Variants in DPH1 observed in about 807,000 individuals in gnomAD.
DPH1 encodes the protein 2-(3-amino-3-carboxypropyl)histidine synthase subunit 1.
A neutral mutation model predicts 55.3 loss-of-function variants in DPH1; 59 were observed. The ratio of observed to expected loss-of-function variants is 1.07; its 90% CI spans 0.87 to 1.33. The LOEUF is 1.33. Among genes scored for constraint, DPH1 ranks in the 40% most tolerant of loss-of-function variants. The pLI is 0.00. For synonymous variants in DPH1, 238 were observed against 235.5 expected (o/e 1.01, Z -0.10); for missense variants, 628 against 584.8 (o/e 1.07, Z -0.76).
At chr17:2,042,004 G>T in intron 12 of DPH1, 129 bp downstream of exon 12, 1 of 1,492,052 alleles carries the variant, frequency 6.7e-7, no homozygotes, top group South Asian at 1.2e-5. Flanking sequence ...TTCCGCTCGG[G>T]GAAAGACCGC....
intron 3 of DPH1, among the ~76,000 whole-genome samples, chr17:2,035,328 G>A (rs535163610): frequency 6.5e-4 from 94 of 145,420 alleles, no homozygotes; most frequent in Non-Finnish European, 1.2e-3. Context: ...TGCAGGAGGC[G>A]TGTAGGTGGT....
chr17:2,032,703 C>A (rs2067346721), intron 1 of DPH1, among the ~76,000 whole-genome samples: 1 of 152,180 alleles, frequency 6.6e-6, no homozygotes, highest in African/African-American at 2.4e-5. Context: ...AGCTTAAGAC[C>A]TAAACTTCCT....
chr17:2,042,511 T>C, intron 12 of DPH1, 94 bp from the exon 13 acceptor site: 1 of 1,450,950 alleles, frequency 6.9e-7, no homozygotes, highest in Non-Finnish European at 9.1e-7. Context: ...CCTTTTTCTC[T>C]CTGTCATCTC....
intron 6 of DPH1, among the ~76,000 whole-genome samples, chr17:2,038,730 T>C (rs1193706357): frequency 6.6e-6 from 1 of 152,110 alleles, no homozygotes; most frequent in Non-Finnish European, 1.5e-5. Context: ...GTGCCAAAAA[T>C]ATTGGTTACT....
chr17:2,033,731 C>T (rs750450066), intron 2 of DPH1, 48 bp from the exon 3 acceptor site: 5 of 1,613,892 alleles, frequency 3.1e-6, no homozygotes, highest in Admixed American at 1.7e-5. Context: ...GTCCCCCTTG[C>T]AGCCCCTTCC....
rs1212443230 is a variant in DPH1 at position 2,036,942 on chromosome 17, G to C, written c.666G>C (p.Glu222Asp). Reference sequence around the variant, plus strand: ...GCACATCCCCCCGACTGTCCAAAGAGGTGGAGGCCGTTGTGTAAGTTAAAA... The same window carrying C: ...GCACATCCCCCCGACTGTCCAAAGACGTGGAGGCCGTTGTGTAAGTTAAAA... The part of the protein sequence containing the change: ...LGCTSPRLSK[E>D]VEAVVYLGDG... Residue 222 changes from glutamate to aspartate, a missense_variant, in exon 6 of 13, where the codon GAG (glutamate) becomes GAC (aspartate). By Grantham distance (45) the Glu-to-Asp change is conservative. Transcript: ENST00000263083. The surrounding 1 kb of genome is among the most constrained non-coding windows in gnomAD (Gnocchi z 4.8). 6.2e-7 allele frequency: 1 copy of C among 1,613,388 alleles called. No individual in the cohort carries two copies.
In DPH1 at chr17:2,041,195, C is replaced by G; in HGVS notation, c.1086+14C>G. 1 of 1,597,388 alleles carries G rather than the reference C, an allele frequency of 6.3e-7. No individual in the cohort carries two copies. The highest frequency in any genetic ancestry group is 8.5e-7 in the Non-Finnish European group (1 of 1,171,350). On this transcript the variant is annotated intron_variant, in intron 10 of 12. Transcript: ENST00000263083. ...ACACCCTATGAGGTAACACCAAGCT[C>G]TGGGAGAGAGTGGGCTTTGGACGTG...
In DPH1 at chr17:2,033,717, C is replaced by T. The variant is rs188176467; in HGVS notation, c.214+60C>T. 207 of 1,613,818 alleles carry T rather than the reference C, an allele frequency of 1.3e-4. No individual in the cohort carries two copies. The East Asian group carries it at 3.3e-3, about 26-fold the overall frequency. On this transcript the variant is annotated intron_variant, in intron 2 of 12. Coordinates refer to ENST00000263083, the MANE Select transcript of DPH1 (RefSeq NM_001383.6). ...GAGAGGTTGCCTGGCCCAGATGGGACAGTGTCCCCCTTGCAGCCCCTTCCT... is the reference window on the plus strand; with the variant it reads ...GAGAGGTTGCCTGGCCCAGATGGGATAGTGTCCCCCTTGCAGCCCCTTCCT...
chr17:2,030,993 C>A (rs2067324333), intron 1 of DPH1, among the ~76,000 whole-genome samples: 1 of 152,242 alleles, frequency 6.6e-6, no homozygotes, highest in Non-Finnish European at 1.5e-5. Flanking sequence ...TCCCTCCTAT[C>A]ATAGTGTGGG....
chr17:2,037,153 T>C, intron 6 of DPH1, 197 bp downstream of exon 6: 2 of 723,828 alleles, frequency 2.8e-6, no homozygotes, highest in South Asian at 4.9e-5. Context: ...CAGTCCATCA[T>C]CCAGAAGGCT....
rs373077352 is a variant in DPH1, at chr17:2,041,151, C to T, written c.1056C>T (p.Ala352=). The change falls in exon 10 of 13, where the codon GCC becomes GCT. Residue 352 remains alanine (A), a synonymous_variant. Transcript: ENST00000263083. ...CPRLSIDWGT[A]FPKPLLTPYE... is the part of the protein sequence containing the mutation. ...GTCTCTCCATTGACTGGGGCACAGC[C>T]TTCCCCAAGCCGCTGCTGACACCCT... is the stretch of plus-strand genomic sequence containing the variant. 1.0e-5 allele frequency: 16 copies of T among 1,605,816 alleles called. No individual in the cohort carries two copies. The African/African-American group carries it at 1.1e-4, about 11-fold the overall frequency.
At chr17:2,040,078 G>T in intron 7 of DPH1, 140 bp from the exon 8 acceptor site, 1 of 1,271,212 alleles carries the variant, frequency 7.9e-7, no homozygotes, top group Non-Finnish European at 1.1e-6. Flanking sequence ...CCTAATGACA[G>T]TCCCCGCTCT....
At chr17:2,031,749 A>G (rs546457231) in intron 1 of DPH1, among the ~76,000 whole-genome samples, 3 of 152,196 alleles carry the variant, frequency 2.0e-5, no homozygotes, top group South Asian at 4.1e-4. Flanking sequence ...TTAAAAAATA[A>G]TAAGATGAAT....
Position 2,042,882 on chromosome 17 carries a change from G to A in DPH1, c.*296G>A, listed in dbSNP as rs144468354. On this transcript the variant is annotated 3_prime_UTR_variant, in exon 13 of 13. Coordinates refer to ENST00000263083, the MANE Select transcript of DPH1 (RefSeq NM_001383.6). ...TCTTGGTGTCTGGTTTCTGTCCCCG[G>A]GGCATTGGGTTCAAGGAATCCATCC... 4,063 of 1,614,138 alleles carry A rather than the reference G, an allele frequency of 2.5e-3. 125 individuals carry two copies. The South Asian group carries it at 0.041, about 16-fold the overall frequency.
intron 9 of DPH1, 122 bp from the exon 10 acceptor site, chr17:2,040,976 TCTTTA>T (rs569066350): frequency 1.1e-5 from 10 of 927,022 alleles, no homozygotes; most frequent in South Asian, 7.2e-5. Context: ...TGGGTCACTG[TCTTTA>T]CTTTAGGATT....
chr17:2,032,851 C>T (rs568096133), intron 1 of DPH1, among the ~76,000 whole-genome samples: 2 of 152,344 alleles, frequency 1.3e-5, no homozygotes, highest in Admixed American at 6.5e-5. Context: ...TCACCCCATT[C>T]TCCTGCCTTA....
At position 2,043,520 on chromosome 17, in the gene DPH1, C is replaced by CA; in HGVS notation, c.*935dup. 2 of 180,786 alleles carry CA rather than the reference C, an allele frequency of 1.1e-5. No homozygotes were observed. The highest frequency in any genetic ancestry group is 2.4e-5 in the Non-Finnish European group (2 of 84,936). 11.2% of individuals were successfully genotyped at this position (180,786 alleles called of 1,614,324 possible). A position where few individuals can be genotyped will look rare whatever the true frequency, so the allele number is the denominator to read the frequency against. ...ACATAGTTTTCTGGGCAGCGCCAAG[C>CA]AGGGAGGTGTCTCCAGTTGTGAGTC... is the stretch of plus-strand genomic sequence containing the variant. On this transcript the variant is annotated 3_prime_UTR_variant, in exon 13 of 13. Transcript: ENST00000263083.
intron 9 of DPH1, chr17:2,040,895 G>T (rs774752180): frequency 3.1e-6 from 2 of 651,770 alleles, no homozygotes; most frequent in East Asian, 5.5e-5. Context: ...CCAGTGAGCT[G>T]CCCTGGAAAG....
At position 2,033,557 on chromosome 17, in the gene DPH1, G is replaced by T. The variant is rs971764185; in HGVS notation, c.114G>T (p.Lys38Asn). Residue 38 changes from lysine (K) to asparagine (N), a missense_variant, in exon 2 of 13, where the codon AAG becomes AAT. Physicochemically the swap from Lys to Asn is moderately conservative, Grantham distance 94. Coordinates refer to ENST00000263083, the MANE Select transcript of DPH1 (RefSeq NM_001383.6). ...VANQIPPEIL[K>N]NPQLQAAIRV... ...ATCAGATCCCCCCTGAGATCCTGAAGAACCCTCAGCTGCAGGCAGCAATCC... is the reference window on the plus strand; with the variant it reads ...ATCAGATCCCCCCTGAGATCCTGAATAACCCTCAGCTGCAGGCAGCAATCC... The T allele has an allele frequency of 6.2e-7, 1 of 1,614,186 alleles. No homozygotes were observed. The highest frequency in any genetic ancestry group is 1.3e-5 in the African/African-American group (1 of 75,054).
Sources: gnomAD v4.1 joint callset for allele counts (sites outside exome capture counted in the v4.1 genomes callset) on GRCh38, gnomAD v4.1.1 for gene constraint, Gnocchi (gnomAD v3.1) non-coding constraint, MANE v1.5 for transcripts, NCBI Gene and HGNC (gene_info 2026-07-23, HGNC 2026-07-21) for gene names.